The following TELO2 variants were observed in gnomAD, a reference collection of about 807,000 sequenced individuals.
The protein encoded by TELO2 is telomere maintenance 2, also known as telomere length regulation protein TEL2 homolog.
Under a neutral mutation model 91.0 loss-of-function variants are expected in TELO2, and 71 were observed. The ratio of observed to expected loss-of-function variants is 0.78; its 90% CI spans 0.64 to 0.95. The LOEUF is 0.95. Ranked by LOEUF, TELO2 falls within the 40% of genes least tolerant of loss-of-function variation. The pLI, the probability that TELO2 is intolerant of heterozygous loss-of-function variation, is 0.00. For synonymous variants in TELO2, 584 were observed against 518.9 expected (o/e 1.13, Z -1.71); for missense variants, 1,183 against 1,141.3 (o/e 1.04, Z -0.53).
rs140903666 is a variant in TELO2 at position 1,494,312 on chromosome 16, G to A, written c.31G>A (p.Ala11Thr). The A allele has an allele frequency of 1.1e-3, 1,814 of 1,613,332 alleles. 12 individuals carry two copies. The highest frequency in any genetic ancestry group is 4.0e-3 in the Middle Eastern group (24 of 6,060). ...GCCAGCACCCTCAGAGGTTCGACTC[G>A]CCGTCCGGGAAGCCATTCATGCCCT... MEPAPSEVRLAVREAIHALSS... is the reference protein window; with the variant it reads MEPAPSEVRLTVREAIHALSS... The change falls in exon 2 of 21, where the codon GCC (alanine) becomes ACC (threonine). Residue 11 changes from alanine (A) to threonine (T), a missense_variant. By Grantham distance (58) the Ala-to-Thr change is moderately conservative (BLOSUM62 0). Transcript: ENST00000262319. This position sits in a 1 kb window ranked among gnomAD's most constrained non-coding sequence, Gnocchi z 5.6.
rs1027890665 is a variant in TELO2 at position 1,506,156 on chromosome 16, T to C, written c.2035-82T>C. 28 of 1,480,704 alleles carry C rather than the reference T, an allele frequency of 1.9e-5. No homozygotes were observed. In the African/African-American group the frequency reaches 3.6e-4, roughly 19 times the overall value. The allele number at this position is 1,480,704 out of a possible 1,614,324, so 91.7% of individuals were successfully genotyped here. ...AGGCGAGGCTGAGGTCCACGCTGCT[T>C]TGTGGGATCCTCTCGGGCTAGGGGT... On this transcript the variant is annotated intron_variant, in intron 16 of 20. Coordinates refer to ENST00000262319, the MANE Select transcript of TELO2 (RefSeq NM_016111.4).
chr16:1,497,550 G>A lies in TELO2; in HGVS notation c.830+42G>A, dbSNP rs544079080. The A allele has an allele frequency of 2.0e-6, 3 of 1,513,392 alleles. No individual in the cohort carries two copies. Among genetic ancestry groups the A allele is most frequent in the African/African-American group, 1.4e-5 (1 of 72,292 alleles). 93.7% of individuals were successfully genotyped at this position (1,513,392 alleles called of 1,614,324 possible). ...TCCTCCAGCTGCACTGGCTTCTGGG[G>A]TCTGGACCCCCAGAGGCTGCCATTC... On this transcript the variant is annotated intron_variant, in intron 5 of 20. Coordinates refer to ENST00000262319, the MANE Select transcript of TELO2 (RefSeq NM_016111.4). The surrounding 1 kb of genome is among the most constrained non-coding windows in gnomAD (Gnocchi z 4.0).
At chr16:1,506,928 C>CTTGG (rs766729326) in intron 17 of TELO2, 24 bp from the exon 18 acceptor site, 1 of 1,591,756 alleles carries the variant, frequency 6.3e-7, no homozygotes, top group Admixed American at 1.7e-5. Context: ...CCCGCTGCAC[C>CTTGG]TTGGGCTCCA....
Position 1,502,077 on chromosome 16 carries a change from G to C in TELO2, c.1503G>C (p.Ser501=). ...ATGAGTTTGTCCCCTACGACATGTC[G>C]GGGGACAGAGAGCTGAAGAGCAGCA... ...SDDEFVPYDM[S]GDRELKSSKA... is the part of the protein sequence containing the mutation. The change falls in exon 12 of 21, where the codon TCG becomes TCC. Residue 501 remains serine, a synonymous_variant. Transcript: ENST00000262319. 6.2e-7 allele frequency: 1 copy of C among 1,613,118 alleles called. No homozygotes were observed.
At chr16:1,500,888 G>T (rs1410554407) in intron 9 of TELO2, among the ~76,000 whole-genome samples, 189 bp downstream of exon 9, 1 of 152,260 alleles carries the variant, frequency 6.6e-6, no homozygotes, top group Non-Finnish European at 1.5e-5. Flanking sequence ...GGCCACACAG[G>T]GTCGGGTGAG....
In TELO2 at chr16:1,495,406, G is replaced by A. The variant is rs1175338853; in HGVS notation, c.396G>A (p.Arg132=). ...RLLARFLREG[R]LAVLMEAQCR... ...TGGCCAGATTCCTGCGCGAGGGCCG[G>A]CTGGCAGTGCTGATGGAGGCGCAGT... The change falls in exon 3 of 21, where the codon CGG becomes CGA. Residue 132 remains arginine (R), a synonymous_variant. Coordinates refer to ENST00000262319, the MANE Select transcript of TELO2 (RefSeq NM_016111.4). The A allele has an allele frequency of 1.3e-6, 2 of 1,587,452 alleles. No homozygotes were observed. The highest frequency in any genetic ancestry group is 8.6e-7 in the Non-Finnish European group (1 of 1,168,032).
intron 6 of TELO2, among the ~76,000 whole-genome samples, 154 bp from the exon 7 acceptor site, chr16:1,499,942 G>C (rs1424872282): frequency 6.6e-6 from 1 of 152,252 alleles, no homozygotes; most frequent in Non-Finnish European, 1.5e-5. Context: ...GAGGGGAGGG[G>C]TCCCGCATTC....
At chr16:1,498,815 A>G (rs917960426) in intron 5 of TELO2, among the ~76,000 whole-genome samples, 4 of 152,210 alleles carry the variant, frequency 2.6e-5, no homozygotes, top group Non-Finnish European at 4.4e-5. Flanking sequence ...CTGGAGACCC[A>G]TAACCTCTCA....
chr16:1,502,995 T>A lies in TELO2; in HGVS notation c.1835T>A (p.Ile612Asn), dbSNP rs1046018259. Residue 612 changes from isoleucine to asparagine, a missense_variant, in exon 15 of 21, where the codon ATC becomes AAC. Physicochemically the swap from Ile to Asn is moderately radical, Grantham distance 149. Transcript: ENST00000262319. Reference protein sequence around the residue: ...LNYSLRQRMDILDVLTLAAQE... With the variant: ...LNYSLRQRMDNLDVLTLAAQE... ...TACAGCCTCCGGCAGCGCATGGACATCCTGGATGTAAGTGCCTCCTGGGCC... is the reference window on the plus strand; with the variant it reads ...TACAGCCTCCGGCAGCGCATGGACAACCTGGATGTAAGTGCCTCCTGGGCC... The A allele has an allele frequency of 3.1e-6, 5 of 1,610,448 alleles. No homozygotes were observed. In the Admixed American group the frequency reaches 6.7e-5, roughly 21 times the overall value.
intron 20 of TELO2, among the ~76,000 whole-genome samples, chr16:1,509,453 C>T (rs1399063781): frequency 6.6e-6 from 1 of 152,188 alleles, no homozygotes; most frequent in Non-Finnish European, 1.5e-5. Context: ...GGCCTCCCCA[C>T]AGGCGGGTGG....
rs558442881 is a variant in TELO2 at position 1,497,154 on chromosome 16, C to T, written c.682+50C>T. 6.2e-7 allele frequency: 1 copy of T among 1,606,440 alleles called. No individual in the cohort carries two copies. Among genetic ancestry groups the T allele is most frequent in the Non-Finnish European group, 8.5e-7 (1 of 1,174,576 alleles). ...CCATCCTGCCCCGACCCTCACAGCC[C>T]ATCAGCCTTCTGCAGAAGGCCGAGA... On this transcript the variant is annotated intron_variant, in intron 4 of 20. Transcript: ENST00000262319. This position sits in a 1 kb window ranked among gnomAD's most constrained non-coding sequence, Gnocchi z 4.0.
Position 1,494,712 on chromosome 16 carries a change from A to T in TELO2, c.335+96A>T. 6 of 1,289,828 alleles carry T rather than the reference A, an allele frequency of 4.7e-6. No individual in the cohort carries two copies. Among genetic ancestry groups the T allele is most frequent in the Non-Finnish European group, 6.3e-6 (6 of 955,850 alleles). The allele number at this position is 1,289,828 out of a possible 1,614,324, so 79.9% of individuals were successfully genotyped here. On this transcript the variant is annotated intron_variant, in intron 2 of 20. Coordinates refer to ENST00000262319, the MANE Select transcript of TELO2 (RefSeq NM_016111.4). The surrounding 1 kb of genome is among the most constrained non-coding windows in gnomAD (Gnocchi z 5.6). ...ACCAAGAGCCTCTCTAGTCCCTGTG[A>T]GGGGCTAGAGAGAGAGCCTGCTCCT...
intron 20 of TELO2, among the ~76,000 whole-genome samples, chr16:1,508,378 G>A (rs187812780): frequency 9.2e-5 from 14 of 152,266 alleles, no homozygotes; most frequent in Non-Finnish European, 1.3e-4. Context: ...TGATCCACCC[G>A]CCTCAGCCTC....
intron 20 of TELO2, among the ~76,000 whole-genome samples, chr16:1,508,710 G>A (rs991822826): frequency 2.0e-5 from 3 of 152,218 alleles, no homozygotes; most frequent in African/African-American, 7.2e-5. Context: ...GTGCCAGCCT[G>A]CTGGGTGTGA....
chr16:1,494,418 C>A lies in TELO2; in HGVS notation c.137C>A (p.Ala46Glu). 3 of 1,613,274 alleles carry A rather than the reference C, an allele frequency of 1.9e-6. No individual in the cohort carries two copies. In the South Asian group the frequency reaches 3.3e-5, roughly 18 times the overall value. The stretch of plus-strand genomic sequence containing the variant: ...TATCTCGGTGAGATGGAGCCTCCAG[C>A]GCTCCCGAGGGAGAAGGAGGAGTTT... ...KRYLGEMEPP[A>E]LPREKEEFAS... is the part of the protein sequence containing the mutation. Residue 46 changes from alanine (A) to glutamate (E), a missense_variant, in exon 2 of 21, where the codon GCG becomes GAG. Physicochemically the swap from Ala to Glu is moderately radical, Grantham distance 107 (BLOSUM62 -1). Coordinates refer to ENST00000262319, the MANE Select transcript of TELO2 (RefSeq NM_016111.4). This position sits in a 1 kb window ranked among gnomAD's most constrained non-coding sequence, Gnocchi z 5.6.
At chr16:1,509,243 T>C (rs1019021383) in intron 20 of TELO2, among the ~76,000 whole-genome samples, 10 of 151,976 alleles carry the variant, frequency 6.6e-5, no homozygotes, top group African/African-American at 2.4e-4. Flanking sequence ...GACAGGGTGT[T>C]CTCCTTTCAC....
chr16:1,494,449 G>A lies in TELO2; in HGVS notation c.168G>A (p.Ser56=), dbSNP rs1188944468. 1.9e-6 allele frequency: 3 copies of A among 1,613,290 alleles called. No homozygotes were observed. Among genetic ancestry groups the A allele is most frequent in the Non-Finnish European group, 2.5e-6 (3 of 1,179,984 alleles). The stretch of plus-strand genomic sequence containing the variant: ...CGAGGGAGAAGGAGGAGTTTGCCTC[G>A]GCCCACTTCTCGCCTGTCCTCAGAT... ...ALPREKEEFA[S]AHFSPVLRCL... is the part of the protein sequence containing the mutation. Residue 56 remains serine (S), a synonymous_variant, in exon 2 of 21, where the codon TCG becomes TCA. Transcript: ENST00000262319. This position sits in a 1 kb window ranked among gnomAD's most constrained non-coding sequence, Gnocchi z 5.6.
chr16:1,496,729 T>C (rs2235628), intron 3 of TELO2, among the ~76,000 whole-genome samples: 16,581 of 152,222 alleles, frequency 0.11, 1,478 homozygotes, highest in African/African-American at 0.21. Context: ...CTGACCCAAC[T>C]TGGCCGGGCC....
rs149485351 is a variant in TELO2 at position 1,502,692 on chromosome 16, C to T, written c.1701C>T (p.Thr567=). The change falls in exon 14 of 21, where the codon ACC becomes ACT. Residue 567 remains threonine, a synonymous_variant. Transcript: ENST00000262319. ...TGCTTCTGCATCTGGAGGAGAAGAC[C>T]TGTGTGGTGGGATTTGCAGGGCTGC... is the stretch of plus-strand genomic sequence containing the variant. ...AKVLLHLEEK[T]CVVGFAGLRQ... is the part of the protein sequence containing the mutation. 1.2e-6 allele frequency: 2 copies of T among 1,612,670 alleles called. No homozygotes were observed. Among genetic ancestry groups the T allele is most frequent in the Non-Finnish European group, 1.7e-6 (2 of 1,179,896 alleles).
Sources: allele counts gnomAD v4.1 joint callset (sites outside exome capture counted in the v4.1 genomes callset), GRCh38; gene constraint gnomAD v4.1.1; non-coding constraint Gnocchi (gnomAD v3.1); transcripts MANE v1.5; gene names NCBI Gene and HGNC (gene_info 2026-07-23, HGNC 2026-07-21).